RIN2: variants seen among roughly 807,000 people sequenced by gnomAD.
RIN2 encodes the protein Ras and Rab interactor 2, also known as RAB5 interacting protein 2.
Under a neutral mutation model 78.0 loss-of-function variants are expected in RIN2, and 36 were observed. That is an observed-to-expected ratio of 0.46 (90% CI 0.35 to 0.61). The LOEUF is 0.61. RIN2 is among the 20% of genes least tolerant of loss of function. The probability of loss-of-function intolerance (pLI) is 0.00; values close to 1 mark genes in which losing one functional copy is unlikely to be tolerated. For missense variants in RIN2, 1,087 were observed against 1,159.7 expected, an observed-to-expected ratio of 0.94 and a Z score of 0.91; for synonymous variants, 466 against 466.8, an observed-to-expected ratio of 1.00 and a Z score of 0.02.
intron 3 of RIN2, among the ~76,000 whole-genome samples, chr20:19,917,290 C>T (rs1270835882): frequency 6.6e-6 from 1 of 152,122 alleles, no homozygotes; most frequent in Non-Finnish European, 1.5e-5. Flanking sequence ...TGATCTGTTG[C>T]CAGCCTTCCA....
At chr20:19,900,348 G>A (rs2038923766) in intron 3 of RIN2, among the ~76,000 whole-genome samples, 1 of 152,032 alleles carries the variant, frequency 6.6e-6, no homozygotes, top group South Asian at 2.1e-4. Flanking sequence ...GTCAGGCGTG[G>A]TGGTGCATGC....
chr20:19,994,635 A>AC (rs2042898841), intron 11 of RIN2, among the ~76,000 whole-genome samples: 1 of 151,912 alleles, frequency 6.6e-6, no homozygotes, highest in Non-Finnish European at 1.5e-5. Context: ...GCCCCCCTCC[A>AC]CCCCCACAAA....
At chr20:19,838,023 C>A (rs990915163) in intron 2 of RIN2, among the ~76,000 whole-genome samples, 2 of 152,172 alleles carry the variant, frequency 1.3e-5, no homozygotes, top group African/African-American at 4.8e-5. Context: ...CTAAAACAGT[C>A]ACTTCACAAA....
chr20:19,989,266 A>T (rs1307151028), intron 9 of RIN2, among the ~76,000 whole-genome samples: 1 of 137,520 alleles, frequency 7.3e-6, no homozygotes, highest in Non-Finnish European at 1.5e-5. Flanking sequence ...TTCCTCAGAA[A>T]ACATTCTTTT....
chr20:19,986,104 T>G (rs1384621119), intron 9 of RIN2, among the ~76,000 whole-genome samples: 3 of 152,044 alleles, frequency 2.0e-5, no homozygotes, highest in Non-Finnish European at 2.9e-5. Flanking sequence ...AAATGGAGAG[T>G]AGTAATTTAT....
chr20:19,824,224 G>A (rs6081756), intron 2 of RIN2, among the ~76,000 whole-genome samples: 44,961 of 152,034 alleles, frequency 0.3, 7,714 homozygotes, highest in Middle Eastern at 0.51. Context: ...AGCTTCCCAC[G>A]CAGTTTGCTA....
At chr20:19,999,986 T>G (rs1369799119) in intron 12 of RIN2, among the ~76,000 whole-genome samples, 3 of 152,206 alleles carry the variant, frequency 2.0e-5, no homozygotes, top group Non-Finnish European at 4.4e-5. Flanking sequence ...GTGTGTGTGA[T>G]TCAACCTAAA....
intron 4 of RIN2, 54 bp downstream of exon 4, chr20:19,935,253 T>C: frequency 2.7e-6 from 4 of 1,473,230 alleles, no homozygotes; most frequent in Non-Finnish European, 3.7e-6. Context: ...GAGTGAACCC[T>C]GGCACTGCCA....
intron 2 of RIN2, among the ~76,000 whole-genome samples, chr20:19,882,603 T>C (rs544424932): frequency 6.6e-6 from 1 of 152,296 alleles, no homozygotes; most frequent in African/African-American, 2.4e-5. Flanking sequence ...TCTTTGTCCA[T>C]GGGATTCTGT....
At chr20:19,916,977 G>A (rs1030697753) in intron 3 of RIN2, among the ~76,000 whole-genome samples, 3 of 152,082 alleles carry the variant, frequency 2.0e-5, no homozygotes, top group African/African-American at 7.2e-5. Context: ...CGCAGGAAAA[G>A]TACAACTCAG....
intron 2 of RIN2, among the ~76,000 whole-genome samples, chr20:19,844,669 C>CCTCTTCCTCTTCCTCTTCCT (rs1568807647): frequency 1.3e-5 from 1 of 76,166 alleles, no homozygotes; most frequent in African/African-American, 6.2e-5. Flanking sequence ...TCTTCTTCTT[C>CCTCTTCCTCTTCCTCTTCCT]CTTCTTCTTC....
At position 19,779,060 on chromosome 20, in the gene RIN2, C is replaced by T. The variant is rs193012467; in HGVS notation, c.-162-20562C>T. On this transcript the variant is annotated intron_variant, in intron 1 of 12. Transcript: ENST00000255006. ...GAAAATAAGGCCATGTGGGTGATCC[C>T]ACGAGAGCAATAATGGTAGTGACGG... 3.7e-3 allele frequency among the ~76,000 whole-genome samples: 561 copies of T among 152,176 alleles called. 3 individuals are homozygous for T. The highest frequency in any genetic ancestry group is 5.8e-3 in the Non-Finnish European group (395 of 68,010).
intron 3 of RIN2, among the ~76,000 whole-genome samples, chr20:19,897,751 G>A (rs575124948): frequency 2.8e-4 from 42 of 149,732 alleles, no homozygotes; most frequent in Non-Finnish European, 4.3e-4. Context: ...TGACTCTGTT[G>A]CCCAGGCTGG....
At chr20:19,778,612 T>C (rs1006488045) in intron 1 of RIN2, among the ~76,000 whole-genome samples, 4 of 152,218 alleles carry the variant, frequency 2.6e-5, no homozygotes, top group African/African-American at 9.6e-5. Flanking sequence ...AGACTTTCCA[T>C]GACACATCCC....
At chr20:19,964,405 G>A (rs938538820) in intron 6 of RIN2, among the ~76,000 whole-genome samples, 2 of 152,116 alleles carry the variant, frequency 1.3e-5, no homozygotes, top group African/African-American at 2.4e-5. Flanking sequence ...CACCATGCCC[G>A]GCCAGTTTTG....
intron 2 of RIN2, among the ~76,000 whole-genome samples, chr20:19,869,785 T>C (rs914158413): frequency 1.3e-5 from 2 of 148,368 alleles, no homozygotes; most frequent in Non-Finnish European, 3.0e-5. Context: ...CCACCATGCC[T>C]GGCTAATTTT....
intron 2 of RIN2, among the ~76,000 whole-genome samples, chr20:19,834,994 A>G (rs199541465): frequency 6.8e-5 from 9 of 132,732 alleles, no homozygotes; most frequent in African/African-American, 1.6e-4. Context: ...GAAAGAGAGA[A>G]AGAGAGAGAG....
At chr20:19,817,514 C>CG (rs1318765712) in intron 2 of RIN2, among the ~76,000 whole-genome samples, 1 of 151,192 alleles carries the variant, frequency 6.6e-6, no homozygotes, top group Admixed American at 6.6e-5. Context: ...AATTTGGGGG[C>CG]GGGGGGCACA....
chr20:19,836,665 G>T (rs545912059), intron 2 of RIN2, among the ~76,000 whole-genome samples: 127 of 151,608 alleles, frequency 8.4e-4, no homozygotes, highest in African/African-American at 3.0e-3. Context: ...ATATAATTTT[G>T]AACGGCTCTT....
Sources: gnomAD v4.1 joint callset for allele counts (sites outside exome capture counted in the v4.1 genomes callset) on GRCh38, gnomAD v4.1.1 for gene constraint, MANE v1.5 for transcripts, NCBI Gene and HGNC (gene_info 2026-07-23, HGNC 2026-07-21) for gene names.